The following TMEM196 variants were observed in gnomAD, a reference collection of about 807,000 sequenced individuals.
TMEM196 encodes transmembrane protein 196.
TMEM196 carries 17 observed loss-of-function variants against 20.0 expected under a neutral mutation model. The observed-to-expected ratio is 0.85, with a 90% confidence interval of 0.58 to 1.27. The LOEUF (loss-of-function observed/expected upper bound fraction) is 1.27, where lower values mean the gene tolerates loss of function less well. Ranked by LOEUF, TMEM196 falls within the 50% of genes most tolerant of loss-of-function variation. The probability of loss-of-function intolerance (pLI) is 0.00; values close to 1 mark genes in which losing one functional copy is unlikely to be tolerated. For synonymous variants in TMEM196, 113 were observed against 88.9 expected, an observed-to-expected ratio of 1.27 and a Z score of -1.52; for missense variants, 267 against 223.0, an observed-to-expected ratio of 1.20 and a Z score of -1.26.
chr7:19,753,553 C>T (rs1046715857), intron 1 of TMEM196, among the ~76,000 whole-genome samples: 1 of 152,186 alleles, frequency 6.6e-6, no homozygotes, highest in African/African-American at 2.4e-5. Context: ...TTCCATTGCT[C>T]TTGGTGTTCC....
Position 19,756,195 on chromosome 7 carries a change from A to T in TMEM196, c.147+16355T>A, listed in dbSNP as rs74889941. On this transcript the variant is annotated intron_variant, in intron 1 of 4. Coordinates refer to ENST00000405844, the MANE Select transcript of TMEM196 (RefSeq NM_001363562.2). Reference sequence around the variant, plus strand: ...CTTTTTAGTAGTACATTAAAAGATCAAAAGGGGGATTTCAGCAATGTAGTT... The same window carrying T: ...CTTTTTAGTAGTACATTAAAAGATCTAAAGGGGGATTTCAGCAATGTAGTT... Among the ~76,000 whole-genome samples, 892 of 152,290 alleles carry T rather than the reference A, an allele frequency of 5.9e-3. 8 individuals are homozygous for T. The highest frequency in any genetic ancestry group is 0.02 in the African/African-American group (832 of 41,548).
chr7:19,729,397 T>C lies in TMEM196; in HGVS notation c.189A>G (p.Lys63=), dbSNP rs766175675. The C allele has an allele frequency of 2.6e-6, 4 of 1,551,056 alleles. No homozygotes were observed. The highest frequency in any genetic ancestry group is 3.5e-6 in the Non-Finnish European group (4 of 1,146,822). ...AAACACTTACGACAAGTCCTGATTT[T>C]TTTTTGGCACACAATATTCCACAAA... is the stretch of plus-strand genomic sequence containing the variant. ...CGICGILCAK[K]KSGLVMILFS... The change falls in exon 2 of 5, where the codon AAA becomes AAG. Residue 63 remains lysine, a synonymous_variant. Transcript: ENST00000405844.
chr7:19,761,291 CT>C lies in TMEM196; in HGVS notation c.147+11258del, dbSNP rs1441464374. The stretch of plus-strand genomic sequence containing the variant: ...AAAACCCTGCTAATTATGCAATGTT[CT>C]TTTTTCCTTAAGCTCAAACTAATTT... On this transcript the variant is annotated intron_variant, in intron 1 of 4. Transcript: ENST00000405844. Among the ~76,000 whole-genome samples the C allele has an allele frequency of 3.3e-5, 5 of 152,266 alleles. No individual in the cohort carries two copies. The East Asian group carries it at 5.8e-4, about 18-fold the overall frequency.
At chr7:19,729,626 T>C (rs940610510) in intron 1 of TMEM196, among the ~76,000 whole-genome samples, 188 bp from the exon 2 acceptor site, 2 of 152,206 alleles carry the variant, frequency 1.3e-5, no homozygotes, top group African/African-American at 2.4e-5. Context: ...CTAATAAAAA[T>C]TTATTTTTTG....
intron 1 of TMEM196, among the ~76,000 whole-genome samples, chr7:19,729,667 T>G (rs1783888045): frequency 6.6e-6 from 1 of 152,224 alleles, no homozygotes; most frequent in Admixed American, 6.5e-5. Context: ...GAATCAGTTT[T>G]AGCATCAGGT....
chr7:19,727,226 G>T (rs1784029182), intron 2 of TMEM196, among the ~76,000 whole-genome samples: 1 of 152,094 alleles, frequency 6.6e-6, no homozygotes, highest in African/African-American at 2.4e-5. Context: ...GTTAAATCTT[G>T]TGAAAGAGAA....
chr7:19,767,011 T>C (rs1785659094), intron 1 of TMEM196, among the ~76,000 whole-genome samples: 1 of 152,084 alleles, frequency 6.6e-6, no homozygotes, highest in South Asian at 2.1e-4. Flanking sequence ...AATTAGTAGG[T>C]GACTGATGCA....
intron 1 of TMEM196, among the ~76,000 whole-genome samples, chr7:19,733,161 A>T (rs533746613): frequency 6.6e-6 from 1 of 152,348 alleles, no homozygotes; most frequent in Admixed American, 6.5e-5. Context: ...ATTTGATTCC[A>T]ATTTAGATTA....
rs1374776701 is a variant in TMEM196, at chr7:19,721,194, C to T, written c.*934G>A. 6.6e-6 allele frequency: 1 copy of T among 151,792 alleles called. No homozygotes were observed. The highest frequency in any genetic ancestry group is 6.6e-5 in the Admixed American group (1 of 15,218). The allele number at this position is 151,792 out of a possible 1,614,324, so 9.4% of individuals were successfully genotyped here. On this transcript the variant is annotated 3_prime_UTR_variant, in exon 5 of 5. Transcript: ENST00000405844. ...GAAATTAAACATGTGATTTTGTGGG[C>T]ATAGAAGGGCCTTGAGCAATTGCCT...
chr7:19,740,332 T>C (rs966228335), intron 1 of TMEM196, among the ~76,000 whole-genome samples: 1 of 152,152 alleles, frequency 6.6e-6, no homozygotes, highest in African/African-American at 2.4e-5. Flanking sequence ...CATACATGTG[T>C]AAAGTAACTC....
At chr7:19,729,615 C>T (rs763679459) in intron 1 of TMEM196, among the ~76,000 whole-genome samples, 177 bp from the exon 2 acceptor site, 20 of 151,920 alleles carry the variant, frequency 1.3e-4, no homozygotes, top group Non-Finnish European at 2.5e-4. Context: ...AAGTATAAAC[C>T]CTAATAAAAA....
chr7:19,772,582 C>T lies in TMEM196; in HGVS notation c.115G>A (p.Glu39Lys). 1.9e-6 allele frequency: 3 copies of T among 1,546,398 alleles called. No individual in the cohort carries two copies. The highest frequency in any genetic ancestry group is 2.3e-4 in the Middle Eastern group (1 of 4,366). The change falls in exon 1 of 5, where the codon GAG becomes AAG. Residue 39 changes from glutamate to lysine, a missense_variant. Transcript: ENST00000405844. ...GAVSFSLALR[E>K]HKPQLGDSSP... ...GAGTCTCCGAGCTGCGGCTTGTGCT[C>T]TCGGAGGGCCAGGCTGAAGCTGACC...
Position 19,725,728 on chromosome 7 carries a change from C to G in TMEM196, c.245G>C (p.Gly82Ala), listed in dbSNP as rs768941540. The G allele has an allele frequency of 6.2e-7, 1 of 1,612,480 alleles. No homozygotes were observed. The highest frequency in any genetic ancestry group is 8.5e-7 in the Non-Finnish European group (1 of 1,178,832). ...GAGGAACTGAAAATTCAGGATGCCC[C>G]CAATAAGTCCACAGATACAGCAGGC... ...FSACCICGLI[G>A]GILNFQFLRA... The change falls in exon 3 of 5, where the codon GGG (glycine) becomes GCG (alanine). Residue 82 changes from glycine (G) to alanine (A), a missense_variant. Transcript: ENST00000405844.
intron 1 of TMEM196, among the ~76,000 whole-genome samples, chr7:19,756,322 A>G (rs2128034139): frequency 6.6e-6 from 1 of 151,830 alleles, no homozygotes; most frequent in East Asian, 1.9e-4. Flanking sequence ...AGTCTTTGAA[A>G]TCTAGTATGT....
At chr7:19,760,212 A>G (rs1294561199) in intron 1 of TMEM196, among the ~76,000 whole-genome samples, 2 of 152,112 alleles carry the variant, frequency 1.3e-5, no homozygotes, top group African/African-American at 4.8e-5. Context: ...ATTCCTCTGC[A>G]TGAAACAATG....
At chr7:19,724,910 A>G (rs1239474521) in intron 3 of TMEM196, among the ~76,000 whole-genome samples, 1 of 152,232 alleles carries the variant, frequency 6.6e-6, no homozygotes, top group Non-Finnish European at 1.5e-5. Context: ...TTATACAATT[A>G]ATTTAACTTC....
At chr7:19,725,045 G>T (rs1467688553) in intron 3 of TMEM196, among the ~76,000 whole-genome samples, 4 of 152,138 alleles carry the variant, frequency 2.6e-5, no homozygotes, top group Non-Finnish European at 1.5e-5. Context: ...TGTAATATCT[G>T]CACTGATAGA....
intron 1 of TMEM196, among the ~76,000 whole-genome samples, chr7:19,760,640 C>T (rs1048564495): frequency 2.0e-5 from 3 of 152,120 alleles, no homozygotes; most frequent in African/African-American, 7.2e-5. Context: ...GGATTATAGG[C>T]GTGAGCCACT....
intron 1 of TMEM196, among the ~76,000 whole-genome samples, chr7:19,741,136 G>A (rs888116723): frequency 2.6e-5 from 4 of 152,236 alleles, no homozygotes; most frequent in African/African-American, 2.4e-5. Context: ...TGACGGGCGA[G>A]TTTATGAAGA....
Sources: gnomAD v4.1 joint callset for allele counts (sites outside exome capture counted in the v4.1 genomes callset) on GRCh38, gnomAD v4.1.1 for gene constraint, MANE v1.5 for transcripts, NCBI Gene and HGNC (gene_info 2026-07-23, HGNC 2026-07-21) for gene names.